Variants in CNTN5 observed in about 807,000 individuals in gnomAD.
The protein encoded by CNTN5 is contactin-5.
In CNTN5, 77 loss-of-function variants were observed where a neutral mutation model predicts 129.1. The observed-to-expected ratio is 0.60, with a 90% CI of 0.50 to 0.72. The LOEUF is 0.72. CNTN5 is among the 30% of genes least tolerant of loss of function. The pLI is 0.00. For synonymous variants in CNTN5, 509 were observed against 465.6 expected, an observed-to-expected ratio of 1.09 and a Z score of -1.20; for missense variants, 1,478 against 1,328.8, an observed-to-expected ratio of 1.11 and a Z score of -1.75.
At chr11:99,709,884 T>A (rs1007419543) in intron 3 of CNTN5, among the ~76,000 whole-genome samples, 1 of 151,912 alleles carries the variant, frequency 6.6e-6, no homozygotes, top group African/African-American at 2.4e-5. Flanking sequence ...TAAAAAAAGA[T>A]CTAATGAAAG....
intron 1 of CNTN5, among the ~76,000 whole-genome samples, chr11:99,233,202 A>G (rs140487867): frequency 2.0e-5 from 3 of 152,312 alleles, no homozygotes; most frequent in African/African-American, 7.2e-5. Context: ...ATTATCCTAG[A>G]TAAGACTTCT....
intron 1 of CNTN5, among the ~76,000 whole-genome samples, chr11:99,036,586 A>G (rs149973574): frequency 8.5e-5 from 13 of 152,224 alleles, no homozygotes; most frequent in African/African-American, 3.1e-4. Flanking sequence ...ATATGAGTGG[A>G]TCTTGAAGTA....
intron 6 of CNTN5, among the ~76,000 whole-genome samples, chr11:99,878,122 G>T (rs968512392): frequency 1.3e-5 from 2 of 152,192 alleles, no homozygotes; most frequent in African/African-American, 4.8e-5. Flanking sequence ...AGAGCAGAAA[G>T]AAAGTTTGAG....
rs138100242 is a variant in CNTN5 at position 100,263,452 on chromosome 11, T to A, written c.2164+7534T>A. Among the ~76,000 whole-genome samples, 909 of 152,276 alleles carry A rather than the reference T, an allele frequency of 6.0e-3. 10 individuals carry two copies. The highest frequency in any genetic ancestry group is 0.021 in the African/African-American group (853 of 41,540). On this transcript the variant is annotated intron_variant, in intron 17 of 24. Coordinates refer to ENST00000524871, the MANE Select transcript of CNTN5 (RefSeq NM_014361.4). The stretch of plus-strand genomic sequence containing the variant: ...CTATATGCAGAATTTAATTCAGAAT[T>A]TATTTGATATTTAGGCTCCTGCATT...
At chr11:100,219,944 ACTGT>A (rs1949225135) in intron 15 of CNTN5, among the ~76,000 whole-genome samples, 1 of 152,162 alleles carries the variant, frequency 6.6e-6, no homozygotes, top group Non-Finnish European at 1.5e-5. Flanking sequence ...CTATAAAAAG[ACTGT>A]CTATGTATTA....
intron 2 of CNTN5, among the ~76,000 whole-genome samples, chr11:99,537,733 T>C (rs994829908): frequency 6.6e-6 from 1 of 152,112 alleles, no homozygotes; most frequent in African/African-American, 2.4e-5. Context: ...AATAAACATC[T>C]AAGAACCATG....
chr11:99,599,278 T>C (rs1404615198), intron 3 of CNTN5, among the ~76,000 whole-genome samples: 1 of 152,136 alleles, frequency 6.6e-6, no homozygotes, highest in Non-Finnish European at 1.5e-5. Context: ...AGTTGTTTTT[T>C]TGAAAATGTC....
chr11:99,065,080 A>G (rs1865047355), intron 1 of CNTN5, among the ~76,000 whole-genome samples: 1 of 152,156 alleles, frequency 6.6e-6, no homozygotes, highest in Non-Finnish European at 1.5e-5. Context: ...TGAAAACATT[A>G]GCACTGATTT....
chr11:100,208,230 T>C (rs980106907), intron 15 of CNTN5, among the ~76,000 whole-genome samples: 1 of 152,174 alleles, frequency 6.6e-6, no homozygotes, highest in African/African-American at 2.4e-5. Flanking sequence ...ACCTAGTGGC[T>C]TCAAATAACC....
intron 6 of CNTN5, among the ~76,000 whole-genome samples, chr11:99,862,487 A>G (rs4754649): frequency 0.096 from 14,573 of 152,098 alleles, 1,351 homozygotes; most frequent in East Asian, 0.42. Flanking sequence ...CATTTCCAAA[A>G]TGCACAGTAT....
At chr11:99,731,691 C>A (rs12796437) in intron 3 of CNTN5, among the ~76,000 whole-genome samples, 2 of 152,192 alleles carry the variant, frequency 1.3e-5, no homozygotes, top group African/African-American at 2.4e-5. Context: ...ATGACAATTT[C>A]ATTCTGACCT....
At chr11:99,289,360 C>G (rs1487313031) in intron 1 of CNTN5, among the ~76,000 whole-genome samples, 1 of 151,694 alleles carries the variant, frequency 6.6e-6, no homozygotes, top group Non-Finnish European at 1.5e-5. Flanking sequence ...TAAGTAGTCT[C>G]TTATATTTTA....
At chr11:100,270,197 G>C (rs1050369692) in intron 17 of CNTN5, among the ~76,000 whole-genome samples, 5 of 152,084 alleles carry the variant, frequency 3.3e-5, no homozygotes, top group Non-Finnish European at 5.9e-5. Context: ...CTACTTATTT[G>C]GTAACATTCT....
At position 100,293,537 on chromosome 11, in the gene CNTN5, T is replaced by A. The variant is rs573052299; in HGVS notation, c.2315-4088T>A. ...ACTTCACCACTTTCTCTTTTTCGAATCTAAACAGAAAATAATATTAAGTAA... is the reference window on the plus strand; with the variant it reads ...ACTTCACCACTTTCTCTTTTTCGAAACTAAACAGAAAATAATATTAAGTAA... On this transcript the variant is annotated intron_variant, in intron 18 of 24. Transcript: ENST00000524871. Among the ~76,000 whole-genome samples, 8 of 151,786 alleles carry A rather than the reference T, an allele frequency of 5.3e-5. No homozygotes were observed. In the East Asian group the frequency reaches 1.6e-3, roughly 29 times the overall value.
Position 99,785,416 on chromosome 11 carries a change from T to C in CNTN5, c.56-34128T>C, listed in dbSNP as rs186546421. On this transcript the variant is annotated intron_variant, in intron 3 of 24. Coordinates refer to ENST00000524871, the MANE Select transcript of CNTN5 (RefSeq NM_014361.4). ...GCTCTTTAGTTTAATTAGATCCCAT[T>C]TGACAATTTTTCCTTTTGTTACCAT... Among the ~76,000 whole-genome samples, 182 of 152,250 alleles carry C rather than the reference T, an allele frequency of 1.2e-3. 1 individual carries two copies. The highest frequency in any genetic ancestry group is 4.1e-3 in the African/African-American group (169 of 41,570).
At chr11:99,710,877 C>T (rs756328000) in intron 3 of CNTN5, among the ~76,000 whole-genome samples, 1 of 151,784 alleles carries the variant, frequency 6.6e-6, no homozygotes, top group Non-Finnish European at 1.5e-5. Context: ...GTTACTAAAA[C>T]ATATTTAGAA....
At chr11:99,331,034 G>T (rs746710487) in intron 2 of CNTN5, among the ~76,000 whole-genome samples, 1 of 151,844 alleles carries the variant, frequency 6.6e-6, no homozygotes, top group Non-Finnish European at 1.5e-5. Context: ...GCATAAAAAT[G>T]GAGAGATATA....
At chr11:99,572,367 G>C (rs780028198) in intron 3 of CNTN5, among the ~76,000 whole-genome samples, 1 of 152,222 alleles carries the variant, frequency 6.6e-6, no homozygotes, top group Non-Finnish European at 1.5e-5. Flanking sequence ...AAGCCATCCT[G>C]TGCTAGATGC....
chr11:99,033,813 G>A lies in CNTN5; in HGVS notation c.-210+12543G>A, dbSNP rs1372171310. 4.6e-5 allele frequency among the ~76,000 whole-genome samples: 7 copies of A among 152,190 alleles called. No homozygotes were observed. The East Asian group carries it at 1.2e-3, about 25-fold the overall frequency. On this transcript the variant is annotated intron_variant, in intron 1 of 24. Coordinates refer to ENST00000524871, the MANE Select transcript of CNTN5 (RefSeq NM_014361.4). ...AGAACTTCCAACACTATGGTGAATA[G>A]GAGTGGTGAGAGAGGGCATCCCTGT... is the stretch of plus-strand genomic sequence containing the variant.
Sources: gnomAD v4.1 joint callset for allele counts (sites outside exome capture counted in the v4.1 genomes callset) on GRCh38, gnomAD v4.1.1 for gene constraint, MANE v1.5 for transcripts, NCBI Gene and HGNC (gene_info 2026-07-23, HGNC 2026-07-21) for gene names.